FOXN4: variants seen among roughly 807,000 people sequenced by gnomAD.
FOXN4 encodes the protein forkhead box N4.
A neutral mutation model predicts 45.0 loss-of-function variants in FOXN4; 12 were observed. The observed-to-expected ratio is 0.27, with a 90% confidence interval of 0.17 to 0.43. FOXN4 has a LOEUF of 0.43. Among genes scored for constraint, FOXN4 ranks in the 20% least tolerant of loss-of-function variants. The probability of loss-of-function intolerance (pLI) is 1.00; values close to 1 mark genes in which losing one functional copy is unlikely to be tolerated. For synonymous variants in FOXN4, 297 were observed against 295.0 expected, an observed-to-expected ratio of 1.01 and a Z score of -0.07; for missense variants, 560 against 694.9, an observed-to-expected ratio of 0.81 and a Z score of 2.18.
intron 2 of FOXN4, among the ~76,000 whole-genome samples, chr12:109,304,304 A>AAG: frequency 6.6e-6 from 1 of 151,662 alleles, no homozygotes; most frequent in African/African-American, 2.4e-5. Context: ...AGGAGAAAGA[A>AAG]AGAAGGAAAG....
intron 8 of FOXN4, among the ~76,000 whole-genome samples, chr12:109,282,108 G>A (rs188858068): frequency 3.9e-5 from 6 of 152,240 alleles, no homozygotes; most frequent in East Asian, 3.9e-4. Context: ...CTCTGCACAC[G>A]GTTGTTGTGG....
intron 8 of FOXN4, 147 bp downstream of exon 8, chr12:109,285,157 C>T (rs1239419901): frequency 1.1e-6 from 1 of 946,750 alleles, no homozygotes; most frequent in Non-Finnish European, 1.6e-6. Flanking sequence ...TGTGTGTGCG[C>T]ATATTTGTGT....
At chr12:109,301,279 A>T (rs1566004654) in intron 2 of FOXN4, among the ~76,000 whole-genome samples, 1 of 152,206 alleles carries the variant, frequency 6.6e-6, no homozygotes, top group Non-Finnish European at 1.5e-5. Context: ...CCTGACTCTC[A>T]GTTCGGGGTA....
At chr12:109,292,096 G>A (rs564948457) in intron 2 of FOXN4, among the ~76,000 whole-genome samples, 2 of 152,196 alleles carry the variant, frequency 1.3e-5, no homozygotes, top group East Asian at 3.9e-4. Flanking sequence ...GCCACCCGCT[G>A]TTGGGGGTGC....
At chr12:109,306,429 G>C (rs1205049626) in intron 2 of FOXN4, among the ~76,000 whole-genome samples, 1 of 152,142 alleles carries the variant, frequency 6.6e-6, no homozygotes, top group African/African-American at 2.4e-5. Context: ...CTTTTAAGGG[G>C]CGCTTTTAGG....
Position 109,287,877 on chromosome 12 carries a change from T to C in FOXN4, c.435A>G (p.Gln145=). 6.5e-7 allele frequency: 1 copy of C among 1,550,068 alleles called. No individual in the cohort carries two copies. The highest frequency in any genetic ancestry group is 8.7e-7 in the Non-Finnish European group (1 of 1,146,640). ...CACCCGGGGGGAGCGGGAACTGTGG[T>C]TGGGTGGCAGGTGAGTACAGATGCG... is the stretch of plus-strand genomic sequence containing the variant. ...DPPHLYSPAT[Q]PQFPLPPGAQ... is the part of the protein sequence containing the mutation. The change falls in exon 5 of 10, where the codon CAA becomes CAG. Residue 145 remains glutamine (Q), a synonymous_variant. Transcript: ENST00000299162. This position sits in a 1 kb window ranked among gnomAD's most constrained non-coding sequence, Gnocchi z 4.1.
Position 109,286,767 on chromosome 12 carries a change from G to T in FOXN4, c.597-23C>A, listed in dbSNP as rs369835251. The T allele has an allele frequency of 3.8e-6, 6 of 1,571,674 alleles. No homozygotes were observed. The Admixed American group carries it at 5.2e-5, about 14-fold the overall frequency. On this transcript the variant is annotated intron_variant, in intron 6 of 9. Transcript: ENST00000299162. ...CAGCTGGGGGCAGGAGGTGGGGCAGGGCAGGGCAGGGCAGGACAGGGCAGG... is the reference window on the plus strand; with the variant it reads ...CAGCTGGGGGCAGGAGGTGGGGCAGTGCAGGGCAGGGCAGGACAGGGCAGG...
chr12:109,298,457 G>A (rs549518268), intron 2 of FOXN4, among the ~76,000 whole-genome samples: 1 of 151,966 alleles, frequency 6.6e-6, no homozygotes, highest in Admixed American at 6.5e-5. Context: ...CGCCTCCCGG[G>A]TTCAAGGAAT....
rs1035767879 is a variant in FOXN4, at chr12:109,291,780, G to GCGGC, written c.87-1498_87-1495dup. ...CAGGGCCTGGAAACGATTTGAAAAC[G>GCGGC]CGGCCGGCCGGCCGTGTCAGTGGCA... On this transcript the variant is annotated intron_variant, in intron 2 of 9. Transcript: ENST00000299162. The surrounding 1 kb of genome is among the most constrained non-coding windows in gnomAD (Gnocchi z 6.6). 6.6e-5 allele frequency among the ~76,000 whole-genome samples: 10 copies of GCGGC among 152,178 alleles called. No homozygotes were observed. Among genetic ancestry groups the GCGGC allele is most frequent in the Admixed American group, 2.6e-4 (4 of 15,308 alleles).
rs146413072 is a variant in FOXN4 at position 109,286,760 on chromosome 12, GGGGCAGGGCA to G, written c.597-26_597-17del. On this transcript the variant is annotated splice_polypyrimidine_tract_variant and intron_variant, in intron 6 of 9. Coordinates refer to ENST00000299162, the MANE Select transcript of FOXN4 (RefSeq NM_213596.3). ...GATCAGACAGCTGGGGGCAGGAGGT[GGGGCAGGGCA>G]GGGCAGGGCAGGACAGGGCAGGCCA... The G allele has an allele frequency of 6.9e-3, 11,114 of 1,600,478 alleles. 584 individuals are homozygous for G. The African/African-American group carries it at 0.12, about 17-fold the overall frequency.
intron 8 of FOXN4, among the ~76,000 whole-genome samples, chr12:109,282,800 G>C (rs900112626): frequency 6.6e-6 from 1 of 152,106 alleles, no homozygotes; most frequent in African/African-American, 2.4e-5. Flanking sequence ...AGACTGGTAG[G>C]GTCCCCAGAT....
At chr12:109,285,179 C>T (rs2047695111) in intron 8 of FOXN4, 125 bp downstream of exon 8, 8 of 1,123,942 alleles carry the variant, frequency 7.1e-6, no homozygotes, top group East Asian at 2.6e-5. Flanking sequence ...TGTGCGCGTG[C>T]GTATGCATCG....
rs1411823659 is a variant in FOXN4 at position 109,278,142 on chromosome 12, T to G, written c.*1529A>C. 1 of 152,226 alleles carries G rather than the reference T, an allele frequency of 6.6e-6. No homozygotes were observed. The highest frequency in any genetic ancestry group is 1.5e-5 in the Non-Finnish European group (1 of 68,038). 9.4% of individuals were successfully genotyped at this position (152,226 alleles called of 1,614,324 possible). A position where few individuals can be genotyped will look rare whatever the true frequency, so the allele number is the denominator to read the frequency against. The stretch of plus-strand genomic sequence containing the variant: ...GCAGGTCAGACGGGTAGCACTGGGA[T>G]TGTGTCTAAGGGTGGTGGATACTCG... On this transcript the variant is annotated 3_prime_UTR_variant, in exon 10 of 10. Transcript: ENST00000299162.
chr12:109,306,277 T>C (rs1400606523), intron 2 of FOXN4, among the ~76,000 whole-genome samples: 2 of 152,174 alleles, frequency 1.3e-5, no homozygotes, highest in African/African-American at 4.8e-5. Flanking sequence ...AGCAACTGCA[T>C]GAGGGAAGAG....
At chr12:109,294,961 G>A (rs2047803138) in intron 2 of FOXN4, among the ~76,000 whole-genome samples, 1 of 152,192 alleles carries the variant, frequency 6.6e-6, no homozygotes, top group Admixed American at 6.5e-5. Context: ...CACAGCAGCT[G>A]TAACTCAGGA....
At chr12:109,307,923 C>T (rs778079104) in intron 2 of FOXN4, among the ~76,000 whole-genome samples, 13 of 152,120 alleles carry the variant, frequency 8.5e-5, no homozygotes, top group Non-Finnish European at 1.5e-4. Flanking sequence ...CCATTAAGGC[C>T]ACTGGAGGGG....
intron 8 of FOXN4, 120 bp downstream of exon 8, chr12:109,285,184 G>T: frequency 2.5e-6 from 3 of 1,192,030 alleles, no homozygotes; most frequent in Non-Finnish European, 2.4e-6. Flanking sequence ...GCGTGCGTAT[G>T]CATCGGCTTC....
intron 2 of FOXN4, among the ~76,000 whole-genome samples, chr12:109,303,689 G>GA (rs2047887224): frequency 6.6e-6 from 1 of 152,210 alleles, no homozygotes; most frequent in Non-Finnish European, 1.5e-5. Context: ...CAAGAAGCCA[G>GA]AAGCCTGCCT....
intron 2 of FOXN4, among the ~76,000 whole-genome samples, chr12:109,304,170 G>A (rs4766589): frequency 1.4e-5 from 2 of 138,908 alleles, no homozygotes; most frequent in East Asian, 2.1e-4. Context: ...CAGCCTGGAC[G>A]ATAGAGCCAG....
Sources: gnomAD v4.1 joint callset for allele counts (sites outside exome capture counted in the v4.1 genomes callset) on GRCh38, gnomAD v4.1.1 for gene constraint, Gnocchi (gnomAD v3.1) non-coding constraint, MANE v1.5 for transcripts, NCBI Gene and HGNC (gene_info 2026-07-23, HGNC 2026-07-21) for gene names.